The following SH3RF3 variants were observed in gnomAD, a reference collection of about 807,000 sequenced individuals.
SH3RF3 encodes E3 ubiquitin-protein ligase SH3RF3.
In SH3RF3, 29 loss-of-function variants were observed where a neutral mutation model predicts 66.3. The observed-to-expected ratio is 0.44, with a 90% CI of 0.33 to 0.60. SH3RF3 has a LOEUF of 0.60. Ranked by LOEUF, SH3RF3 falls within the 20% of genes least tolerant of loss-of-function variation. The probability of loss-of-function intolerance (pLI) is 0.04; values close to 1 mark genes in which losing one functional copy is unlikely to be tolerated. For missense variants in SH3RF3, 1,194 were observed against 1,190.9 expected, an observed-to-expected ratio of 1.00 and a Z score of -0.04; for synonymous variants, 583 against 532.0, an observed-to-expected ratio of 1.10 and a Z score of -1.32.
intron 8 of SH3RF3, among the ~76,000 whole-genome samples, chr2:109,472,701 G>A (rs2104731544): frequency 6.6e-6 from 1 of 152,342 alleles, no homozygotes; most frequent in South Asian, 2.1e-4. Context: ...ACATCCTTCA[G>A]AAGGAGGCCA....
chr2:109,455,491 C>T (rs1233642955), intron 8 of SH3RF3, among the ~76,000 whole-genome samples: 1 of 151,662 alleles, frequency 6.6e-6, no homozygotes, highest in Non-Finnish European at 1.5e-5. Context: ...TGTGCACCCA[C>T]CCATTAAATA....
intron 1 of SH3RF3, among the ~76,000 whole-genome samples, chr2:109,181,528 A>C (rs552665180): frequency 5.3e-5 from 8 of 152,178 alleles, no homozygotes; most frequent in African/African-American, 9.7e-5. Context: ...AAAAGTACCC[A>C]AAAGTTTCTT....
intron 1 of SH3RF3, among the ~76,000 whole-genome samples, chr2:109,224,945 A>G (rs1184699421): frequency 6.6e-6 from 1 of 152,224 alleles, no homozygotes; most frequent in Non-Finnish European, 1.5e-5. Context: ...ATGGACAGCT[A>G]GAGAACTGCA....
intron 1 of SH3RF3, among the ~76,000 whole-genome samples, chr2:109,214,302 A>C (rs1679059038): frequency 6.6e-6 from 1 of 152,162 alleles, no homozygotes; most frequent in African/African-American, 2.4e-5. Flanking sequence ...GGCTTGCCTT[A>C]TTCTCCTGGG....
intron 3 of SH3RF3, among the ~76,000 whole-genome samples, chr2:109,383,051 AG>A (rs1444250449): frequency 6.6e-6 from 1 of 152,166 alleles, no homozygotes; most frequent in East Asian, 1.9e-4. Context: ...AGAAGTTTGG[AG>A]GAAACCGGTG....
chr2:109,347,478 A>T (rs1182366643), intron 1 of SH3RF3, among the ~76,000 whole-genome samples, 196 bp from the exon 2 acceptor site: 56 of 151,818 alleles, frequency 3.7e-4, no homozygotes, highest in Non-Finnish European at 5.9e-5. Flanking sequence ...GGACCCTCTT[A>T]TCTCAGTGGC....
intron 1 of SH3RF3, among the ~76,000 whole-genome samples, chr2:109,237,373 A>G (rs1679673717): frequency 6.6e-6 from 1 of 152,242 alleles, no homozygotes; most frequent in Non-Finnish European, 1.5e-5. Flanking sequence ...CTCAGCTTTC[A>G]AAGTAACAAA....
chr2:109,171,979 T>A (rs967379777), intron 1 of SH3RF3, among the ~76,000 whole-genome samples: 1 of 152,270 alleles, frequency 6.6e-6, no homozygotes, highest in East Asian at 1.9e-4. Context: ...TCAGCGTGAT[T>A]CTCAGCTGAG....
At chr2:109,399,287 T>G (rs950641629) in intron 4 of SH3RF3, among the ~76,000 whole-genome samples, 1 of 152,234 alleles carries the variant, frequency 6.6e-6, no homozygotes, top group Non-Finnish European at 1.5e-5. Context: ...GAGTCTTGGC[T>G]TAGTGCTAGC....
At chr2:109,449,060 G>T in intron 7 of SH3RF3, 110 bp from the exon 8 acceptor site, 1 of 1,301,396 alleles carries the variant, frequency 7.7e-7, no homozygotes, top group Non-Finnish European at 1.1e-6. Context: ...TTCAGAGAGA[G>T]GCTGTGAGTG....
At chr2:109,143,837 T>G (rs978971295) in intron 1 of SH3RF3, among the ~76,000 whole-genome samples, 2 of 151,518 alleles carry the variant, frequency 1.3e-5, no homozygotes, top group Non-Finnish European at 2.9e-5. Flanking sequence ...CACACACGTA[T>G]ATACACAAAC....
intron 1 of SH3RF3, among the ~76,000 whole-genome samples, chr2:109,272,162 A>G (rs765679250): frequency 6.6e-6 from 1 of 152,112 alleles, no homozygotes; most frequent in Non-Finnish European, 1.5e-5. Flanking sequence ...GAGGAATAAG[A>G]TGTACCCTTG....
rs185016388 is a variant in SH3RF3, at chr2:109,470,448, G to C, written c.2149-20157G>C. On this transcript the variant is annotated intron_variant, in intron 8 of 9. Coordinates refer to ENST00000309415, the MANE Select transcript of SH3RF3 (RefSeq NM_001099289.3). ...TTTGCTCTTCCTTATTGCACGTCTG[G>C]GGAGACACCACCCACTTGAGTGTAG... Among the ~76,000 whole-genome samples, 7 of 152,230 alleles carry C rather than the reference G, an allele frequency of 4.6e-5. No individual in the cohort carries two copies. The East Asian group carries it at 1.4e-3, about 29-fold the overall frequency.
At position 109,231,718 on chromosome 2, in the gene SH3RF3, A is replaced by G. The variant is rs150140457; in HGVS notation, c.573+101605A>G. 1.5e-3 allele frequency among the ~76,000 whole-genome samples: 232 copies of G among 152,322 alleles called. 1 individual carries two copies. The highest frequency in any genetic ancestry group is 2.6e-3 in the Non-Finnish European group (177 of 68,030). On this transcript the variant is annotated intron_variant, in intron 1 of 9. Coordinates refer to ENST00000309415, the MANE Select transcript of SH3RF3 (RefSeq NM_001099289.3). Reference sequence around the variant, plus strand: ...TTAGTCTGCTTCCAAATTAAATCTTACCGTGCATGCTAAAAGAGACTACAG... The same window carrying G: ...TTAGTCTGCTTCCAAATTAAATCTTGCCGTGCATGCTAAAAGAGACTACAG...
intron 1 of SH3RF3, among the ~76,000 whole-genome samples, chr2:109,223,616 C>G (rs1343479454): frequency 5.3e-5 from 8 of 152,178 alleles, no homozygotes; most frequent in South Asian, 2.1e-4. Flanking sequence ...ATGCAGACAA[C>G]TGGAGCTCCT....
intron 1 of SH3RF3, among the ~76,000 whole-genome samples, chr2:109,338,348 C>T (rs1682477827): frequency 6.6e-6 from 1 of 152,148 alleles, no homozygotes; most frequent in Non-Finnish European, 1.5e-5. Flanking sequence ...TTCATGGCCA[C>T]CCTCAAAACT....
At chr2:109,363,490 T>C (rs910389934) in intron 2 of SH3RF3, among the ~76,000 whole-genome samples, 5 of 152,240 alleles carry the variant, frequency 3.3e-5, no homozygotes, top group African/African-American at 1.2e-4. Context: ...TAAACAGTTA[T>C]TTGTTAAATC....
At chr2:109,440,620 C>T (rs1677534589) in intron 7 of SH3RF3, among the ~76,000 whole-genome samples, 1 of 152,174 alleles carries the variant, frequency 6.6e-6, no homozygotes, top group African/African-American at 2.4e-5. Context: ...GTTTTCAAGA[C>T]ACCAGACAAC....
At chr2:109,203,325 C>T (rs542087900) in intron 1 of SH3RF3, among the ~76,000 whole-genome samples, 12 of 152,312 alleles carry the variant, frequency 7.9e-5, no homozygotes, top group Admixed American at 2.0e-4. Flanking sequence ...CAGACAGTGG[C>T]GCAGATGCGG....
Sources: gnomAD v4.1 joint callset for allele counts (sites outside exome capture counted in the v4.1 genomes callset) on GRCh38, gnomAD v4.1.1 for gene constraint, MANE v1.5 for transcripts, NCBI Gene and HGNC (gene_info 2026-07-23, HGNC 2026-07-21) for gene names.